The following HDAC8 variants were observed in gnomAD, a reference collection of about 807,000 sequenced individuals.
The protein encoded by HDAC8 is histone deacetylase 8.
In HDAC8, 1 loss-of-function variant was observed where a neutral mutation model predicts 32.2. The ratio of observed to expected loss-of-function variants is 0.03; its 90% CI spans 0.01 to 0.15. The LOEUF (loss-of-function observed/expected upper bound fraction) is 0.15, where lower values mean the gene tolerates loss of function less well. HDAC8 is among the 10% of genes least tolerant of loss of function. The pLI, the probability that HDAC8 is intolerant of heterozygous loss-of-function variation, is 1.00. For synonymous variants in HDAC8, 108 were observed against 113.9 expected, an observed-to-expected ratio of 0.95 and a Z score of 0.33; for missense variants, 117 against 300.0, an observed-to-expected ratio of 0.39 and a Z score of 4.51.
chrX:72,567,142 C>G (rs1394244801), intron 4 of HDAC8, among the ~76,000 whole-genome samples: 2 of 111,697 alleles, frequency 1.8e-5, no homozygotes, highest in Admixed American at 1.9e-4. Flanking sequence ...GAGACTCTGT[C>G]TCAAAAACAA....
rs1186261303 is a variant in HDAC8 at position 72,446,185 on chromosome X, G to C, written c.1005+15819C>G. 1.8e-4 allele frequency among the ~76,000 whole-genome samples: 20 copies of C among 112,186 alleles called. No homozygotes were observed. In the Admixed American group the frequency reaches 1.9e-3, roughly 11 times the overall value. ...TTTGACCCAGCCATCCCATTACTGG[G>C]TATATACCCAAAGGACTATAAATCA... On this transcript the variant is annotated intron_variant, in intron 9 of 10. Transcript: ENST00000373573.
intron 7 of HDAC8, among the ~76,000 whole-genome samples, chrX:72,475,125 TA>T (rs1555999831): frequency 9.0e-6 from 1 of 111,092 alleles, no homozygotes; most frequent in African/African-American, 3.3e-5. Flanking sequence ...CGCACCAGTC[TA>T]AACCAGCCTT....
chrX:72,339,950 AC>A (rs1415828729), intron 10 of HDAC8, among the ~76,000 whole-genome samples: 2 of 111,990 alleles, frequency 1.8e-5, no homozygotes, highest in Non-Finnish European at 3.8e-5. Flanking sequence ...ACTGCCAATC[AC>A]CACTTGTCTG....
chrX:72,352,914 T>G (rs1295330915), intron 9 of HDAC8, among the ~76,000 whole-genome samples: 1 of 111,750 alleles, frequency 8.9e-6, no homozygotes, highest in East Asian at 2.8e-4. Flanking sequence ...GTTTAGTTTT[T>G]AACAGAAATA....
intron 10 of HDAC8, chrX:72,330,740 CTG>C (rs1337777606): frequency 1.8e-5 from 2 of 110,761 alleles, no homozygotes; most frequent in Non-Finnish European, 3.8e-5. Context: ...AGTAGAAACA[CTG>C]GGCTCCAAAC....
At chrX:72,464,368 A>C in intron 8 of HDAC8, 191 bp downstream of exon 8, 1 of 446,943 alleles carries the variant, frequency 2.2e-6, no homozygotes, top group South Asian at 3.3e-5. Flanking sequence ...GCACATGCTA[A>C]GCTGAGAAGT....
At chrX:72,372,003 C>T (rs1408847061) in intron 9 of HDAC8, among the ~76,000 whole-genome samples, 2 of 111,247 alleles carry the variant, frequency 1.8e-5, no homozygotes, top group Admixed American at 9.6e-5. Context: ...CAGGACCAAA[C>T]TTGAATGGCA....
At chrX:72,330,378 C>T (rs2043483247) in intron 10 of HDAC8, among the ~76,000 whole-genome samples, 1 of 111,419 alleles carries the variant, frequency 9.0e-6, no homozygotes, top group Admixed American at 9.6e-5. Flanking sequence ...GAAGAGCCAC[C>T]CAGCTGAACT....
chrX:72,426,070 AT>A (rs1265624274), intron 9 of HDAC8, among the ~76,000 whole-genome samples: 1 of 111,826 alleles, frequency 8.9e-6, no homozygotes, highest in African/African-American at 3.3e-5. Flanking sequence ...TTACAAGGTT[AT>A]ATTTTTCCCC....
chrX:72,445,356 C>G (rs1265811612), intron 9 of HDAC8, among the ~76,000 whole-genome samples: 1 of 111,120 alleles, frequency 9.0e-6, no homozygotes, highest in African/African-American at 3.3e-5. Context: ...TGGAACAGAA[C>G]AGAGCCCTTA....
chrX:72,496,373 T>C (rs1432795449), intron 4 of HDAC8, among the ~76,000 whole-genome samples: 1 of 110,505 alleles, frequency 9.0e-6, no homozygotes, highest in Admixed American at 9.8e-5. Flanking sequence ...AAAATATCTT[T>C]AGACACTGAC....
intron 2 of HDAC8, among the ~76,000 whole-genome samples, chrX:72,571,728 G>A (rs2052084296): frequency 9.2e-6 from 1 of 108,251 alleles, no homozygotes; most frequent in Non-Finnish European, 1.9e-5. Flanking sequence ...TACCACGTCC[G>A]GCTAATTTTT....
At position 72,525,338 on chromosome X, in the gene HDAC8, AC is replaced by A. The variant is rs782492877; in HGVS notation, c.438-30071del. Among the ~76,000 whole-genome samples the A allele has an allele frequency of 4.5e-5, 5 of 110,768 alleles. No homozygotes were observed. In the South Asian group the frequency reaches 2.0e-3, roughly 43 times the overall value. On this transcript the variant is annotated intron_variant, in intron 4 of 10. Transcript: ENST00000373573. ...ATCGCAGGTATCACCATCTACCCAG[AC>A]GAAAGCTTGGTACACAGCTCACGAC...
At chrX:72,523,824 T>C (rs2050053469) in intron 4 of HDAC8, among the ~76,000 whole-genome samples, 1 of 111,998 alleles carries the variant, frequency 8.9e-6, no homozygotes, top group African/African-American at 3.2e-5. Context: ...CCAATCTCCA[T>C]TTTACAGATG....
chrX:72,436,898 A>T (rs1278075617), intron 9 of HDAC8, among the ~76,000 whole-genome samples: 1 of 112,301 alleles, frequency 8.9e-6, no homozygotes, highest in South Asian at 3.7e-4. Flanking sequence ...TTATACATGT[A>T]TAATCTAATA....
At chrX:72,406,965 G>A (rs782333623) in intron 9 of HDAC8, among the ~76,000 whole-genome samples, 1 of 112,139 alleles carries the variant, frequency 8.9e-6, no homozygotes, top group East Asian at 2.8e-4. Context: ...GTATGTAGTG[G>A]CTTCAGAGCT....
intron 10 of HDAC8, among the ~76,000 whole-genome samples, chrX:72,349,474 G>C (rs145561535): frequency 0.016 from 1,803 of 112,379 alleles, 39 homozygotes; most frequent in African/African-American, 0.055. Context: ...GCATGTAGTT[G>C]CTTTTGTAGG....
chrX:72,341,465 G>C (rs911131818), intron 10 of HDAC8, among the ~76,000 whole-genome samples: 5 of 112,182 alleles, frequency 4.5e-5, no homozygotes, highest in African/African-American at 1.6e-4. Context: ...TCAGTGCCAT[G>C]AAAATGTCAT....
intron 10 of HDAC8, among the ~76,000 whole-genome samples, chrX:72,338,657 T>TATA (rs2043791919): frequency 2.5e-5 from 2 of 79,391 alleles, no homozygotes; most frequent in African/African-American, 9.3e-5. Context: ...ATATATATAT[T>TATA]TATAAATATA....
Sources: gnomAD v4.1 joint callset for allele counts (sites outside exome capture counted in the v4.1 genomes callset) on GRCh38, gnomAD v4.1.1 for gene constraint, MANE v1.5 for transcripts, NCBI Gene and HGNC (gene_info 2026-07-23, HGNC 2026-07-21) for gene names.